Variants in STAT1 observed in about 807,000 individuals in gnomAD.
The protein encoded by STAT1 is signal transducer and activator of transcription 1-alpha/beta.
Under a neutral mutation model 111.7 loss-of-function variants are expected in STAT1, and 24 were observed. That is an observed-to-expected ratio of 0.21 (90% CI 0.16 to 0.30). The LOEUF is 0.30. Among genes scored for constraint, STAT1 ranks in the 10% least tolerant of loss-of-function variants. The pLI, the probability that STAT1 is intolerant of heterozygous loss-of-function variation, is 1.00. For missense variants in STAT1, 351 were observed against 911.9 expected (o/e 0.38, Z 7.92); for synonymous variants, 332 against 326.5 (o/e 1.02, Z -0.18).
Position 191,006,515 on chromosome 2 carries a change from C to T in STAT1, c.372+1048G>A, listed in dbSNP as rs938351456. ...GCAGTGTGTGGAGAATGGCATCCTC[C>T]ACCACACCTAAACTCCCTCCCTCTC... On this transcript the variant is annotated intron_variant, in intron 5 of 24. Transcript: ENST00000361099. The surrounding 1 kb of genome is among the most constrained non-coding windows in gnomAD (Gnocchi z 4.6). Among the ~76,000 whole-genome samples the T allele has an allele frequency of 3.9e-5, 6 of 152,188 alleles. No individual in the cohort carries two copies. Among genetic ancestry groups the T allele is most frequent in the Non-Finnish European group, 7.4e-5 (5 of 68,024 alleles).
At position 190,997,039 on chromosome 2, in the gene STAT1, G is replaced by T. The variant is rs1002751317; in HGVS notation, c.785+817C>A. On this transcript the variant is annotated intron_variant, in intron 9 of 24. Coordinates refer to ENST00000361099, the MANE Select transcript of STAT1 (RefSeq NM_007315.4). The surrounding 1 kb of genome is among the most constrained non-coding windows in gnomAD (Gnocchi z 7.3). ...TCCCCCATTCCCAGCATGGTGCTGA[G>T]AACCTGCACCATCAGGCTCCAGCAT... Among the ~76,000 whole-genome samples, 1 of 152,192 alleles carries T rather than the reference G, an allele frequency of 6.6e-6. No individual in the cohort carries two copies. Among genetic ancestry groups the T allele is most frequent in the Admixed American group, 6.5e-5 (1 of 15,294 alleles).
At chr2:191,013,766 G>A (rs1695321789) in intron 1 of STAT1, 88 bp from the exon 2 acceptor site, 6 of 398,372 alleles carry the variant, frequency 1.5e-5, no homozygotes, top group Middle Eastern at 6.3e-4. Flanking sequence ...CCTTCTAGAG[G>A]AAAATTATAT....
rs1694909732 is a variant in STAT1, at chr2:191,008,872, A to C, written c.273+91T>G. 2.9e-6 allele frequency: 4 copies of C among 1,375,600 alleles called. No individual in the cohort carries two copies. In the African/African-American group the frequency reaches 4.3e-5, roughly 15 times the overall value. The allele number at this position is 1,375,600 out of a possible 1,614,324, so 85.2% of individuals were successfully genotyped here. On this transcript the variant is annotated intron_variant, in intron 4 of 24. Coordinates refer to ENST00000361099, the MANE Select transcript of STAT1 (RefSeq NM_007315.4). ...TCTATTACTTCTCTAAATACCAATA[A>C]GTGTGTGCTCAATTGTATTTGCTGA...
rs922715383 is a variant in STAT1 at position 190,979,048 on chromosome 2, T to C, written c.1728-47A>G. The C allele has an allele frequency of 8.7e-6, 14 of 1,612,468 alleles. No individual in the cohort carries two copies. The highest frequency in any genetic ancestry group is 1.2e-5 in the Non-Finnish European group (14 of 1,179,098). ...GGATGGGCTTTTAGTTCAATCATGA[T>C]TTCCATTTTCATGCTAACTTACAAA... is the stretch of plus-strand genomic sequence containing the variant. On this transcript the variant is annotated intron_variant, in intron 20 of 24. Coordinates refer to ENST00000361099, the MANE Select transcript of STAT1 (RefSeq NM_007315.4). This position sits in a 1 kb window ranked among gnomAD's most constrained non-coding sequence, Gnocchi z 5.8.
In STAT1 at chr2:190,976,225, A is replaced by G. The variant is rs1188925790; in HGVS notation, c.2060-338T>C. The stretch of plus-strand genomic sequence containing the variant: ...TTTATTGGCATTAGCCTGGCTAATG[A>G]ATATTCACAGCTGTCAAGGTAAGCT... On this transcript the variant is annotated intron_variant, in intron 22 of 24. Transcript: ENST00000361099. The surrounding 1 kb of genome is among the most constrained non-coding windows in gnomAD (Gnocchi z 6.0). Among the ~76,000 whole-genome samples the G allele has an allele frequency of 6.6e-6, 1 of 152,236 alleles. No homozygotes were observed. Among genetic ancestry groups the G allele is most frequent in the Non-Finnish European group, 1.5e-5 (1 of 68,044 alleles).
chr2:190,978,640 C>CA lies in STAT1; in HGVS notation c.1873+215dup, dbSNP rs1692098232. ...AAGGAAAGAATTGGCATTGTCTTTT[C>CA]AAAACCATCATTTCCACAATATGTT... On this transcript the variant is annotated intron_variant, in intron 21 of 24. Coordinates refer to ENST00000361099, the MANE Select transcript of STAT1 (RefSeq NM_007315.4). The surrounding 1 kb of genome is among the most constrained non-coding windows in gnomAD (Gnocchi z 6.1). The CA allele has an allele frequency of 3.1e-6, 2 of 649,876 alleles. No individual in the cohort carries two copies. Among genetic ancestry groups the CA allele is most frequent in the Non-Finnish European group, 5.4e-6 (2 of 373,740 alleles). 40.3% of individuals were successfully genotyped at this position (649,876 alleles called of 1,614,324 possible). A position where few individuals can be genotyped will look rare whatever the true frequency, so the allele number is the denominator to read the frequency against.
At chr2:191,005,690 T>C (rs1694637239) in intron 5 of STAT1, among the ~76,000 whole-genome samples, 2 of 152,216 alleles carry the variant, frequency 1.3e-5, no homozygotes, top group South Asian at 4.1e-4. Flanking sequence ...TGTATCTGTG[T>C]CATTAAGTGA....
rs1313832882 is a variant in STAT1, at chr2:190,970,420, T to G, written c.*283A>C. On this transcript the variant is annotated 3_prime_UTR_variant, in exon 25 of 25. Transcript: ENST00000361099. This position sits in a 1 kb window ranked among gnomAD's most constrained non-coding sequence, Gnocchi z 5.4. ...CTCCTTTCCCAAAGGACCCTCATTC[T>G]CGTCCTGATACTTTGGGTGTATCTG... 2.0e-6 allele frequency: 1 copy of G among 505,918 alleles called. No homozygotes were observed. The highest frequency in any genetic ancestry group is 3.6e-6 in the Non-Finnish European group (1 of 278,026). The allele number at this position is 505,918 out of a possible 1,614,324, so 31.3% of individuals were successfully genotyped here.
At position 190,978,030 on chromosome 2, in the gene STAT1, A is replaced by G. The variant is rs1692045974; in HGVS notation, c.1873+826T>C. Among the ~76,000 whole-genome samples, 1 of 152,228 alleles carries G rather than the reference A, an allele frequency of 6.6e-6. No individual in the cohort carries two copies. Among genetic ancestry groups the G allele is most frequent in the African/African-American group, 2.4e-5 (1 of 41,462 alleles). On this transcript the variant is annotated intron_variant, in intron 21 of 24. Transcript: ENST00000361099. This position sits in a 1 kb window ranked among gnomAD's most constrained non-coding sequence, Gnocchi z 6.1. Reference sequence around the variant, plus strand: ...TTCCAGAAAAACAAACAGAACAAGAAGAGTATGGCAGAAAAACAAATAGAA... The same window carrying G: ...TTCCAGAAAAACAAACAGAACAAGAGGAGTATGGCAGAAAAACAAATAGAA...
Position 190,996,587 on chromosome 2 carries a change from T to C in STAT1, c.785+1269A>G, listed in dbSNP as rs1053152079. Among the ~76,000 whole-genome samples, 1 of 152,122 alleles carries C rather than the reference T, an allele frequency of 6.6e-6. No homozygotes were observed. The highest frequency in any genetic ancestry group is 2.4e-5 in the African/African-American group (1 of 41,414). ...GGGCCTCCCTGGCCACCTGAAGGGC[T>C]TTAGGGTTGTATGTATCCCTCAAGG... On this transcript the variant is annotated intron_variant, in intron 9 of 24. Coordinates refer to ENST00000361099, the MANE Select transcript of STAT1 (RefSeq NM_007315.4). This position sits in a 1 kb window ranked among gnomAD's most constrained non-coding sequence, Gnocchi z 4.5.
rs901076750 is a variant in STAT1 at position 190,997,842 on chromosome 2, T to C, written c.785+14A>G. ...GCCAGTCAGCTGCCAGTTTTCTGCT[T>C]TGGAGAATCTTACCAGTTCTGCAGC... is the stretch of plus-strand genomic sequence containing the variant. On this transcript the variant is annotated intron_variant, in intron 9 of 24. Transcript: ENST00000361099. The surrounding 1 kb of genome is among the most constrained non-coding windows in gnomAD (Gnocchi z 7.3). 7 of 1,614,070 alleles carry C rather than the reference T, an allele frequency of 4.3e-6. No individual in the cohort carries two copies. The highest frequency in any genetic ancestry group is 2.7e-5 in the African/African-American group (2 of 74,942).
In STAT1 at chr2:190,973,972, T is replaced by C. The variant is rs1691701619; in HGVS notation, c.2238+858A>G. ...TTTCCCCTCCCTGCCTTCCTCTCTT[T>C]GTTGAGCACCTACTTTTTGCCAGGC... is the stretch of plus-strand genomic sequence containing the variant. On this transcript the variant is annotated intron_variant, in intron 24 of 24. Transcript: ENST00000361099. This position sits in a 1 kb window ranked among gnomAD's most constrained non-coding sequence, Gnocchi z 4.4. Among the ~76,000 whole-genome samples, 1 of 152,180 alleles carries C rather than the reference T, an allele frequency of 6.6e-6. No individual in the cohort carries two copies. Among genetic ancestry groups the C allele is most frequent in the African/African-American group, 2.4e-5 (1 of 41,430 alleles).
At position 190,985,626 on chromosome 2, in the gene STAT1, G is replaced by A. The variant is rs1347113886; in HGVS notation, c.1256C>T (p.Thr419Met). ...ACATAAAGGGACTCTCACCTCATTC[G>A]TTCTGGTGCCAGCATTTTTCTGTTC... ...LKEQKNAGTR[T>M]NEGPLIVTEE... The change falls in exon 15 of 25, where the codon ACG becomes ATG. Residue 419 changes from threonine (T) to methionine (M), a missense_variant. Around this residue, in one of 7 missense-constraint regions of STAT1, gnomAD observed 181 missense variants for 426.1 expected, o/e 0.42. Coordinates refer to ENST00000361099, the MANE Select transcript of STAT1 (RefSeq NM_007315.4). The A allele has an allele frequency of 6.2e-7, 1 of 1,614,142 alleles. No individual in the cohort carries two copies. Among genetic ancestry groups the A allele is most frequent in the Admixed American group, 1.7e-5 (1 of 60,028 alleles).
rs1692004320 is a variant in STAT1 at position 190,977,552 on chromosome 2, A to G, written c.1874-527T>C. On this transcript the variant is annotated intron_variant, in intron 21 of 24. Coordinates refer to ENST00000361099, the MANE Select transcript of STAT1 (RefSeq NM_007315.4). This position sits in a 1 kb window ranked among gnomAD's most constrained non-coding sequence, Gnocchi z 4.7. ...CCTTAACGTAATAAACCATGGTTTA[A>G]TTTACTCCCGTTCTTATTCCCAGAC... 6.6e-6 allele frequency among the ~76,000 whole-genome samples: 1 copy of G among 152,222 alleles called. No individual in the cohort carries two copies. The highest frequency in any genetic ancestry group is 6.5e-5 in the Admixed American group (1 of 15,290).
At position 191,007,171 on chromosome 2, in the gene STAT1, C is replaced by T. The variant is rs1391461451; in HGVS notation, c.372+392G>A. Among the ~76,000 whole-genome samples the T allele has an allele frequency of 6.6e-6, 1 of 152,224 alleles. No homozygotes were observed. On this transcript the variant is annotated intron_variant, in intron 5 of 24. Transcript: ENST00000361099. The surrounding 1 kb of genome is among the most constrained non-coding windows in gnomAD (Gnocchi z 4.2). ...TGATTCTACTGAGCGCAAGCTTCCACTGCCTCTACCTTGGACAGCTGCAAG... is the reference window on the plus strand; with the variant it reads ...TGATTCTACTGAGCGCAAGCTTCCATTGCCTCTACCTTGGACAGCTGCAAG...
In STAT1 at chr2:190,977,066, C is replaced by A. The variant is rs1691962958; in HGVS notation, c.1874-41G>T. 2 of 1,597,516 alleles carry A rather than the reference C, an allele frequency of 1.3e-6. No individual in the cohort carries two copies. Among genetic ancestry groups the A allele is most frequent in the African/African-American group, 2.7e-5 (2 of 74,626 alleles). Reference sequence around the variant, plus strand: ...GCTAAGTAAATCCCATAGAACATCCCAAAATGAAAGAGGACAGAGAAATAA... The same window carrying A: ...GCTAAGTAAATCCCATAGAACATCCAAAAATGAAAGAGGACAGAGAAATAA... On this transcript the variant is annotated intron_variant, in intron 21 of 24. Coordinates refer to ENST00000361099, the MANE Select transcript of STAT1 (RefSeq NM_007315.4). This position sits in a 1 kb window ranked among gnomAD's most constrained non-coding sequence, Gnocchi z 4.7.
Position 190,990,585 on chromosome 2 carries a change from A to G in STAT1, c.1037+643T>C, listed in dbSNP as rs768597823. Among the ~76,000 whole-genome samples the G allele has an allele frequency of 6.6e-6, 1 of 152,184 alleles. No homozygotes were observed. The highest frequency in any genetic ancestry group is 1.5e-5 in the Non-Finnish European group (1 of 68,046). Reference sequence around the variant, plus strand: ...TACTCCGAGTTTTTAAAAAAGAAATATGTCATATTTGTGTGTGTGTGTGTC... The same window carrying G: ...TACTCCGAGTTTTTAAAAAAGAAATGTGTCATATTTGTGTGTGTGTGTGTC... On this transcript the variant is annotated intron_variant, in intron 11 of 24. Transcript: ENST00000361099. The surrounding 1 kb of genome is among the most constrained non-coding windows in gnomAD (Gnocchi z 5.1).
rs942930446 is a variant in STAT1 at position 190,980,722 on chromosome 2, T to G, written c.1583-53A>C. 1.0e-5 allele frequency: 16 copies of G among 1,569,662 alleles called. 1 individual carries two copies. In the Admixed American group the frequency reaches 2.0e-4, roughly 20 times the overall value. On this transcript the variant is annotated intron_variant, in intron 18 of 24. Transcript: ENST00000361099. The surrounding 1 kb of genome is among the most constrained non-coding windows in gnomAD (Gnocchi z 6.1). ...GCAAACAGAAACTGATTCTAAAGCT[T>G]TGGTTGGACGGATGGCTCTTGTATT...
chr2:191,009,134 C>A, intron 3 of STAT1, 27 bp from the exon 4 acceptor site: 1 of 1,613,174 alleles, frequency 6.2e-7, no homozygotes, highest in Non-Finnish European at 8.5e-7. Flanking sequence ...TTACACATTT[C>A]ATTCTAGAAC....
Sources: allele counts gnomAD v4.1 joint callset (sites outside exome capture counted in the v4.1 genomes callset), GRCh38; gene constraint gnomAD v4.1.1; regional missense constraint gnomAD v4.1.1; non-coding constraint Gnocchi (gnomAD v3.1); transcripts MANE v1.5; gene names NCBI Gene and HGNC (gene_info 2026-07-23, HGNC 2026-07-21).